LIMCH1: variants seen among roughly 807,000 people sequenced by gnomAD.
LIMCH1 encodes LIM and calponin homology domains-containing protein 1.
Under a neutral mutation model 176.5 loss-of-function variants are expected in LIMCH1, and 113 were observed. The observed-to-expected ratio is 0.64, with a 90% confidence interval of 0.55 to 0.75. The LOEUF is 0.75. Among genes scored for constraint, LIMCH1 ranks in the 30% least tolerant of loss-of-function variants. The pLI is 0.00. For missense variants in LIMCH1, 1,674 were observed against 1,814.9 expected (o/e 0.92, Z 1.41); for synonymous variants, 619 against 645.9 (o/e 0.96, Z 0.63).
At chr4:41,484,093 G>T (rs187303701) in intron 1 of LIMCH1, among the ~76,000 whole-genome samples, 285 of 152,250 alleles carry the variant, frequency 1.9e-3, no homozygotes, top group Non-Finnish European at 3.5e-3. Flanking sequence ...GAACAGAGAG[G>T]GCATATTGTA....
intron 20 of LIMCH1, among the ~76,000 whole-genome samples, chr4:41,665,933 T>C (rs372433654): frequency 3.3e-5 from 5 of 152,336 alleles, no homozygotes; most frequent in African/African-American, 1.2e-4. Context: ...ATTTTGGAAC[T>C]ATTTACAAGT....
At chr4:41,540,677 T>A (rs2078518288) in intron 1 of LIMCH1, among the ~76,000 whole-genome samples, 1 of 152,066 alleles carries the variant, frequency 6.6e-6, no homozygotes, top group Non-Finnish European at 1.5e-5. Flanking sequence ...AGGTGGAGGT[T>A]ACAGTGAGCT....
intron 1 of LIMCH1, among the ~76,000 whole-genome samples, chr4:41,384,921 A>G (rs997525333): frequency 6.6e-6 from 1 of 152,210 alleles, no homozygotes; most frequent in African/African-American, 2.4e-5. Flanking sequence ...AATTTAAGAA[A>G]AAAGTCTGAA....
rs537887508 is a variant in LIMCH1, at chr4:41,627,291, C to A, written c.1028+281C>A. On this transcript the variant is annotated intron_variant, in intron 8 of 31. Transcript: ENST00000503057. ...CATTGAATTCCAGTGTGTAGATGTG[C>A]TGAATCAGGGCTCATCACCACATAT... 1.1e-4 allele frequency among the ~76,000 whole-genome samples: 17 copies of A among 151,524 alleles called. 1 individual carries two copies. The highest frequency in any genetic ancestry group is 4.1e-4 in the African/African-American group (17 of 41,240).
At chr4:41,544,520 C>T (rs1219040106) in intron 1 of LIMCH1, among the ~76,000 whole-genome samples, 1 of 152,094 alleles carries the variant, frequency 6.6e-6, no homozygotes, top group Non-Finnish European at 1.5e-5. Flanking sequence ...AGAGAAGAGC[C>T]CAGAAGCCTC....
intron 1 of LIMCH1, among the ~76,000 whole-genome samples, chr4:41,419,681 CTCCTTCCT>C (rs765992303): frequency 0.05 from 2,800 of 56,154 alleles, 91 homozygotes; most frequent in Non-Finnish European, 0.064. Flanking sequence ...TCCTTCCTTC[CTCCTTCCT>C]TCCTTCCTTC....
chr4:41,665,269 C>T (rs1460334078), intron 20 of LIMCH1, among the ~76,000 whole-genome samples: 1 of 152,162 alleles, frequency 6.6e-6, no homozygotes, highest in Non-Finnish European at 1.5e-5. Context: ...TGACCCTTAA[C>T]TGTTTCATTT....
chr4:41,595,999 G>A (rs192349399), intron 1 of LIMCH1, among the ~76,000 whole-genome samples: 2 of 148,004 alleles, frequency 1.4e-5, no homozygotes, highest in East Asian at 1.9e-4. Flanking sequence ...GAAGTGAGCC[G>A]AGATTGCATA....
intron 1 of LIMCH1, among the ~76,000 whole-genome samples, chr4:41,455,050 A>T (rs1363898652): frequency 2.6e-5 from 4 of 152,042 alleles, no homozygotes; most frequent in Non-Finnish European, 2.9e-5. Flanking sequence ...TGAATACCAT[A>T]GATACAGTCA....
At chr4:41,494,565 A>G (rs199885560) in exon 2 of LIMCH1, 1 of 1,613,282 alleles carries the variant, frequency 6.2e-7, no homozygotes, top group East Asian at 2.2e-5. Context: ...TTGGTGATAA[A>G]GATTTTCGGA....
chr4:41,589,205 A>G (rs1395971795), intron 1 of LIMCH1, among the ~76,000 whole-genome samples: 1 of 152,200 alleles, frequency 6.6e-6, no homozygotes, highest in African/African-American at 2.4e-5. Flanking sequence ...CTGGAAGAAG[A>G]GGGACTAAGG....
At chr4:41,663,133 TCG>T in intron 20 of LIMCH1, 149 bp downstream of exon 20, 5 of 571,554 alleles carry the variant, frequency 8.7e-6, no homozygotes, top group South Asian at 4.2e-5. Context: ...TTTTTCTTTT[TCG>T]TGTGTGTGTG....
In LIMCH1 at chr4:41,575,471, G is replaced by T. The variant is rs201416641; in HGVS notation, c.-240-23449G>T. ...TTTTCAAACACTGTTTCATCATGCG[G>T]ATATGACATTCTTTAGAAAGTGCTC... On this transcript the variant is annotated intron_variant, in intron 1 of 31. Transcript: ENST00000503057. Among the ~76,000 whole-genome samples the T allele has an allele frequency of 4.6e-5, 7 of 152,148 alleles. No homozygotes were observed. In the East Asian group the frequency reaches 1.2e-3, roughly 25 times the overall value.
chr4:41,541,418 G>A (rs2078632903), intron 1 of LIMCH1, among the ~76,000 whole-genome samples: 1 of 152,084 alleles, frequency 6.6e-6, no homozygotes, highest in Non-Finnish European at 1.5e-5. Context: ...GGAAATACAA[G>A]GATATGTATG....
At chr4:41,502,392 A>G (rs911533363) in intron 2 of LIMCH1, among the ~76,000 whole-genome samples, 56 of 152,252 alleles carry the variant, frequency 3.7e-4, no homozygotes, top group African/African-American at 9.1e-4. Flanking sequence ...TATCTTTATA[A>G]TAGAATGATT....
At chr4:41,570,637 A>G (rs2152602798) in intron 1 of LIMCH1, among the ~76,000 whole-genome samples, 1 of 152,312 alleles carries the variant, frequency 6.6e-6, no homozygotes, top group South Asian at 2.1e-4. Flanking sequence ...CCTGCTCCGA[A>G]CATTTTGTGG....
chr4:41,394,586 A>G (rs866310202), intron 1 of LIMCH1, among the ~76,000 whole-genome samples: 3 of 152,118 alleles, frequency 2.0e-5, no homozygotes, highest in Admixed American at 6.6e-5. Context: ...GAAAATGCCA[A>G]GGAAATTACT....
Position 41,360,907 on chromosome 4 carries a change from G to T in LIMCH1, c.67G>T (p.Ala23Ser). Reference sequence around the variant, plus strand: ...GCAGCCCGAGCCGCCCCCCGAGCCCGCCTTCTCCGAGGCGCAGAAGTGGAT... The same window carrying T: ...GCAGCCCGAGCCGCCCCCCGAGCCCTCCTTCTCCGAGGCGCAGAAGTGGAT... The change falls in exon 1 of 27, where the codon GCC becomes TCC. Residue 23 changes from alanine to serine, a missense_variant. Transcript: ENST00000313860. The surrounding 1 kb of genome is among the most constrained non-coding windows in gnomAD (Gnocchi z 4.5). 6.3e-7 allele frequency: 1 copy of T among 1,587,420 alleles called. No individual in the cohort carries two copies. Among genetic ancestry groups the T allele is most frequent in the East Asian group, 2.3e-5 (1 of 43,144 alleles).
upstream of LIMCH1, among the ~76,000 whole-genome samples, chr4:41,533,177 A>G (rs999959421): frequency 5.9e-5 from 9 of 152,234 alleles, no homozygotes; most frequent in Non-Finnish European, 1.2e-4. Context: ...GAAAGAAAGA[A>G]AGAGAAAGGG....
Sources: allele counts gnomAD v4.1 joint callset (sites outside exome capture counted in the v4.1 genomes callset), GRCh38; gene constraint gnomAD v4.1.1; non-coding constraint Gnocchi (gnomAD v3.1); transcripts MANE v1.5; gene names NCBI Gene and HGNC (gene_info 2026-07-23, HGNC 2026-07-21).